The following EVC2 variants were observed in gnomAD, a reference collection of about 807,000 sequenced individuals.
EVC2 encodes the protein EvC ciliary complex subunit 2.
A neutral mutation model predicts 149.3 loss-of-function variants in EVC2; 148 were observed. That is an observed-to-expected ratio of 0.99 (90% confidence interval 0.87 to 1.14). The LOEUF (loss-of-function observed/expected upper bound fraction) is 1.14, where lower values mean the gene tolerates loss of function less well. Ranked by LOEUF, EVC2 falls within the 50% of genes most tolerant of loss-of-function variation. The pLI, the probability that EVC2 is intolerant of heterozygous loss-of-function variation, is 0.00. For synonymous variants in EVC2, 776 were observed against 649.9 expected, an observed-to-expected ratio of 1.19 and a Z score of -2.95; for missense variants, 1,854 against 1,627.3, an observed-to-expected ratio of 1.14 and a Z score of -2.40.
rs375367277 is a variant in EVC2, at chr4:5,550,477, G to A, written c.3420-7265C>T. 3.9e-5 allele frequency among the ~76,000 whole-genome samples: 6 copies of A among 152,288 alleles called. No individual in the cohort carries two copies. In the South Asian group the frequency reaches 1.0e-3, roughly 26 times the overall value. On this transcript the variant is annotated intron_variant and NMD_transcript_variant, in intron 21 of 22. Transcript: ENST00000475313. ...TCTGAACTTAAAGAGATGATTTAGGGTATCCGGCGGAAGAAATTTCTAGCA... is the reference window on the plus strand; with the variant it reads ...TCTGAACTTAAAGAGATGATTTAGGATATCCGGCGGAAGAAATTTCTAGCA...
chr4:5,665,160 C>G (rs1719181673), intron 8 of EVC2, among the ~76,000 whole-genome samples: 1 of 152,172 alleles, frequency 6.6e-6, no homozygotes, highest in Non-Finnish European at 1.5e-5. Flanking sequence ...TTAAAAATGA[C>G]TAAACCAGGC....
At chr4:5,575,994 T>C (rs950394867) in intron 18 of EVC2, among the ~76,000 whole-genome samples, 2 of 152,116 alleles carry the variant, frequency 1.3e-5, no homozygotes, top group African/African-American at 4.8e-5. Flanking sequence ...AGTCTATATT[T>C]CAAAATAAAA....
intron 21 of EVC2, among the ~76,000 whole-genome samples, chr4:5,563,475 T>C (rs1014747301): frequency 1.3e-5 from 2 of 152,174 alleles, no homozygotes; most frequent in African/African-American, 4.8e-5. Flanking sequence ...GCCTCCTGAG[T>C]AACTGGGACG....
intron 16 of EVC2, among the ~76,000 whole-genome samples, chr4:5,605,339 C>G (rs911532390): frequency 1.3e-5 from 2 of 152,174 alleles, no homozygotes; most frequent in African/African-American, 4.8e-5. Flanking sequence ...CTCTGCTCTA[C>G]AAATCATAGA....
Position 5,569,189 on chromosome 4 carries a change from G to A in EVC2, c.3361-549C>T, listed in dbSNP as rs555377541. Among the ~76,000 whole-genome samples, 1 of 152,212 alleles carries A rather than the reference G, an allele frequency of 6.6e-6. No individual in the cohort carries two copies. On this transcript the variant is annotated intron_variant, in intron 19 of 21. Coordinates refer to ENST00000344408, the MANE Select transcript of EVC2 (RefSeq NM_147127.5). The surrounding 1 kb of genome is among the most constrained non-coding windows in gnomAD (Gnocchi z 4.8). Reference sequence around the variant, plus strand: ...TGATTCCATGCATGTAACCACCTGGGCGTGATGAGACTTGGAACTGGAGAG... The same window carrying A: ...TGATTCCATGCATGTAACCACCTGGACGTGATGAGACTTGGAACTGGAGAG...
rs1719605923 is a variant in EVC2, at chr4:5,670,856, C to T, written c.871-5207G>A. Reference sequence around the variant, plus strand: ...ATCAACATCATCAATATCCCCATCACCACCATCATTATCAACATCATCAAT... The same window carrying T: ...ATCAACATCATCAATATCCCCATCATCACCATCATTATCAACATCATCAAT... On this transcript the variant is annotated intron_variant, in intron 7 of 21. Transcript: ENST00000344408. This position sits in a 1 kb window ranked among gnomAD's most constrained non-coding sequence, Gnocchi z 5.2. Among the ~76,000 whole-genome samples, 1 of 152,014 alleles carries T rather than the reference C, an allele frequency of 6.6e-6. No individual in the cohort carries two copies. The highest frequency in any genetic ancestry group is 6.6e-5 in the Admixed American group (1 of 15,252).
In EVC2 at chr4:5,694,371, G is replaced by C; in HGVS notation, c.414C>G (p.Asn138Lys). 1 of 1,614,134 alleles carries C rather than the reference G, an allele frequency of 6.2e-7. No individual in the cohort carries two copies. Among genetic ancestry groups the C allele is most frequent in the Non-Finnish European group, 8.5e-7 (1 of 1,179,988 alleles). Reference sequence around the variant, plus strand: ...TTATAGGAGACTCTCTTTTAAATAAGTTCTTCTTAGGCCAGGAGGGTATAA... The same window carrying C: ...TTATAGGAGACTCTCTTTTAAATAACTTCTTCTTAGGCCAGGAGGGTATAA... ...FAFIPSWPKK[N>K]LFKRESPITH... is the part of the protein sequence containing the mutation. The change falls in exon 3 of 22, where the codon AAC (asparagine) becomes AAG (lysine). Residue 138 changes from asparagine to lysine, a missense_variant. Asn to Lys is a moderately conservative substitution (Grantham distance 94). Transcript: ENST00000344408.
In EVC2 at chr4:5,585,692, G is replaced by A. The variant is rs111609888; in HGVS notation, c.2830-842C>T. On this transcript the variant is annotated intron_variant, in intron 16 of 21. Transcript: ENST00000344408. ...ATGTTTCTACCCCTATGAAACCATC[G>A]CCACAACCAGGGTAGTGAACACATC... Among the ~76,000 whole-genome samples the A allele has an allele frequency of 2.5e-3, 373 of 151,922 alleles. 2 individuals carry two copies. The highest frequency in any genetic ancestry group is 8.4e-3 in the African/African-American group (348 of 41,404).
chr4:5,638,542 T>G (rs35414581), intron 10 of EVC2, among the ~76,000 whole-genome samples: 1 of 152,024 alleles, frequency 6.6e-6, no homozygotes, highest in Admixed American at 6.5e-5. Flanking sequence ...AGCACAGTCA[T>G]AGACTGGGCA....
At chr4:5,627,474 G>A (rs781395514) in intron 12 of EVC2, among the ~76,000 whole-genome samples, 10 of 152,184 alleles carry the variant, frequency 6.6e-5, no homozygotes, top group South Asian at 4.2e-4. Flanking sequence ...TGCACCTTAC[G>A]GAATCCTCAT....
At chr4:5,601,002 A>G (rs1305987570) in intron 16 of EVC2, among the ~76,000 whole-genome samples, 3 of 152,244 alleles carry the variant, frequency 2.0e-5, no homozygotes, top group Admixed American at 2.0e-4. Flanking sequence ...TTGGCTTCCC[A>G]AATGTTGGGC....
intron 16 of EVC2, among the ~76,000 whole-genome samples, chr4:5,591,311 C>T (rs1040812047): frequency 2.6e-5 from 4 of 152,210 alleles, no homozygotes; most frequent in African/African-American, 9.6e-5. Context: ...GAAGGGCCAC[C>T]CTGCAGGCTA....
chr4:5,563,071 A>T lies in EVC2; in HGVS notation c.3704T>A (p.Phe1235Tyr). Residue 1235 changes from phenylalanine (F) to tyrosine (Y), a missense_variant, in exon 22 of 22, where the codon TTC becomes TAC. Phe to Tyr is a conservative substitution (Grantham distance 22). Coordinates refer to ENST00000344408, the MANE Select transcript of EVC2 (RefSeq NM_147127.5). The part of the protein sequence containing the change: ...TCLPLRERMI[F>Y]SGKGSWPHLS... ...GTGTGGCCAACTTCCTTTTCCAGAG[A>T]ATATCATCCTCTCTCTGAGAGGGAG... 6.2e-7 allele frequency: 1 copy of T among 1,614,148 alleles called. No individual in the cohort carries two copies. The highest frequency in any genetic ancestry group is 1.3e-5 in the African/African-American group (1 of 75,042).
In EVC2 at chr4:5,562,602, C is replaced by T; in HGVS notation, c.*246G>A. ...CAGGGTGGGGGTCTCCTCCAGGGCC[C>T]TGGGGAGGTGGGGCTGAAAGAAGGA... is the stretch of plus-strand genomic sequence containing the variant. On this transcript the variant is annotated 3_prime_UTR_variant, in exon 22 of 22. Transcript: ENST00000344408. The surrounding 1 kb of genome is among the most constrained non-coding windows in gnomAD (Gnocchi z 4.3). The T allele has an allele frequency of 1.4e-6, 2 of 1,387,298 alleles. No individual in the cohort carries two copies. Among genetic ancestry groups the T allele is most frequent in the Non-Finnish European group, 1.9e-6 (2 of 1,070,780 alleles). 85.9% of individuals were successfully genotyped at this position (1,387,298 alleles called of 1,614,324 possible). A position where few individuals can be genotyped will look rare whatever the true frequency, so the allele number is the denominator to read the frequency against.
At position 5,640,460 on chromosome 4, in the gene EVC2, G is replaced by A. The variant is rs1248655829; in HGVS notation, c.1470+54C>T. 7 of 1,607,318 alleles carry A rather than the reference G, an allele frequency of 4.4e-6. No individual in the cohort carries two copies. Among genetic ancestry groups the A allele is most frequent in the Non-Finnish European group, 6.0e-6 (7 of 1,174,118 alleles). On this transcript the variant is annotated intron_variant, in intron 10 of 21. Coordinates refer to ENST00000344408, the MANE Select transcript of EVC2 (RefSeq NM_147127.5). This position sits in a 1 kb window ranked among gnomAD's most constrained non-coding sequence, Gnocchi z 4.6. ...CAGATGAGTGGGTAGATGGATAAAT[G>A]ACAAATCCCTGAGAGAAAGGGAAGT...
At chr4:5,630,043 G>A (rs1004085268) in intron 11 of EVC2, among the ~76,000 whole-genome samples, 3 of 152,302 alleles carry the variant, frequency 2.0e-5, no homozygotes, top group Admixed American at 6.5e-5. Context: ...AAATGATAAC[G>A]AATCTGTGAA....
chr4:5,692,968 C>T (rs188833578), intron 3 of EVC2, among the ~76,000 whole-genome samples: 1 of 152,220 alleles, frequency 6.6e-6, no homozygotes, highest in Non-Finnish European at 1.5e-5. Flanking sequence ...CTGACCCAGG[C>T]CTCTGATTCA....
In EVC2 at chr4:5,568,615, G is replaced by T. The variant is rs758710828; in HGVS notation, c.3386C>A (p.Ala1129Glu). Reference protein sequence around the residue: ...SQELRLASYLARMAMVPGATL... With the variant: ...SQELRLASYLERMAMVPGATL... ...GGCCCCGGGCACCATGGCCATCCTC[G>T]CCAGGTACGATGCCAGTCTCAGCTC... Residue 1129 changes from alanine (A) to glutamate (E), a missense_variant, in exon 20 of 22, where the codon GCG becomes GAG. Transcript: ENST00000344408. 6.2e-7 allele frequency: 1 copy of T among 1,608,834 alleles called. No individual in the cohort carries two copies. Among genetic ancestry groups the T allele is most frequent in the Non-Finnish European group, 8.5e-7 (1 of 1,179,804 alleles).
At chr4:5,551,464 T>C (rs966119324) in intron 21 of EVC2, among the ~76,000 whole-genome samples, 2 of 152,212 alleles carry the variant, frequency 1.3e-5, no homozygotes, top group African/African-American at 4.8e-5. Context: ...TTCTCCCATT[T>C]GGAATGGCTG....
Sources: gnomAD v4.1 joint callset for allele counts (sites outside exome capture counted in the v4.1 genomes callset) on GRCh38, gnomAD v4.1.1 for gene constraint, Gnocchi (gnomAD v3.1) non-coding constraint, MANE v1.5 for transcripts, NCBI Gene and HGNC (gene_info 2026-07-23, HGNC 2026-07-21) for gene names.